ROCK1: variants seen among roughly 807,000 people sequenced by gnomAD.
ROCK1 encodes the protein rho-associated protein kinase 1.
ROCK1 carries 36 observed loss-of-function variants against 196.8 expected under a neutral mutation model. The observed-to-expected ratio is 0.18, with a 90% CI of 0.14 to 0.24. ROCK1 has a LOEUF of 0.24. Ranked by LOEUF, ROCK1 falls within the 10% of genes least tolerant of loss-of-function variation. The pLI, the probability that ROCK1 is intolerant of heterozygous loss-of-function variation, is 1.00. For synonymous variants in ROCK1, 443 were observed against 515.9 expected (o/e 0.86, Z 1.91); for missense variants, 920 against 1,562.0 (o/e 0.59, Z 6.93).
rs1353531393 is a variant in ROCK1, at chr18:20,970,522, AT to A, written c.2655-10del. 4 of 1,580,552 alleles carry A rather than the reference AT, an allele frequency of 2.5e-6. No individual in the cohort carries two copies. The highest frequency in any genetic ancestry group is 1.3e-5 in the African/African-American group (1 of 74,084). ...GAGTAGCAAGAGTTTCTCTGCAACA[AT>A]TTTTTAAGAGAAACTGATGTAAACA... On this transcript the variant is annotated splice_polypyrimidine_tract_variant and intron_variant, in intron 22 of 32. Transcript: ENST00000399799.
intron 27 of ROCK1, among the ~76,000 whole-genome samples, chr18:20,962,487 T>C (rs1015188904): frequency 4.6e-5 from 7 of 152,204 alleles, no homozygotes; most frequent in African/African-American, 1.7e-4. Flanking sequence ...TTTCACATTA[T>C]TTCTTTGTGA....
intron 5 of ROCK1, 137 bp downstream of exon 5, chr18:21,045,155 G>A: frequency 1.4e-6 from 1 of 719,932 alleles, no homozygotes; most frequent in Non-Finnish European, 2.1e-6. Flanking sequence ...GGCAGCGCCT[G>A]GCCAGAGTCT....
chr18:20,955,287 T>A (rs1337257374), intron 29 of ROCK1, 42 bp from the exon 30 acceptor site: 3 of 1,543,522 alleles, frequency 1.9e-6, no homozygotes, highest in Non-Finnish European at 2.6e-6. Context: ...AAAACTCATT[T>A]ATTGTAAAAG....
In ROCK1 at chr18:20,985,150, T is replaced by C. The variant is rs1174026410; in HGVS notation, c.2305-615A>G. On this transcript the variant is annotated intron_variant, in intron 19 of 32. Coordinates refer to ENST00000399799, the MANE Select transcript of ROCK1 (RefSeq NM_005406.3). ...GAACATTTGAATGGAGTACTTAAAT[T>C]TACCTGTCTACGTGCTCTACTCTAC... Among the ~76,000 whole-genome samples the C allele has an allele frequency of 2.6e-5, 4 of 151,934 alleles. No individual in the cohort carries two copies. The South Asian group carries it at 6.2e-4, about 24-fold the overall frequency.
At chr18:20,986,856 C>T in intron 19 of ROCK1, 94 bp downstream of exon 19, 1 of 1,115,132 alleles carries the variant, frequency 9.0e-7, no homozygotes, top group Non-Finnish European at 1.3e-6. Context: ...TTCAAATCTC[C>T]TTCATGGTGT....
chr18:21,045,208 G>A (rs1568393385), intron 5 of ROCK1, 84 bp downstream of exon 5: 2 of 1,229,370 alleles, frequency 1.6e-6, no homozygotes, highest in Non-Finnish European at 2.2e-6. Context: ...AGAAGAATGG[G>A]TGAACTGAGA....
At chr18:20,956,633 T>C (rs558719161) in intron 29 of ROCK1, among the ~76,000 whole-genome samples, 49 of 152,326 alleles carry the variant, frequency 3.2e-4, no homozygotes, top group African/African-American at 1.1e-3. Context: ...AAAGCCAACC[T>C]GACCTAAACA....
In ROCK1 at chr18:21,111,000, G is replaced by A; in HGVS notation, c.-90C>T. The A allele has an allele frequency of 9.1e-7, 1 of 1,093,440 alleles. No individual in the cohort carries two copies. The highest frequency in any genetic ancestry group is 1.3e-5 in the South Asian group (1 of 76,708). The allele number at this position is 1,093,440 out of a possible 1,614,324, so 67.7% of individuals were successfully genotyped here. ...TCCTCCGCGGTGGGTTCGCAGCCGC[G>A]GGGCGGAGGAGCCGGAACCTCAGGG... On this transcript the variant is annotated 5_prime_UTR_variant, in exon 1 of 33. Transcript: ENST00000399799.
In ROCK1 at chr18:20,947,475, T is replaced by C. The variant is rs1253706542; in HGVS notation, c.*3909A>G. Reference sequence around the variant, plus strand: ...CATTGAGCATGGCTTTATATATACATACTATCCAACCAGAAATTGATTTGA... The same window carrying C: ...CATTGAGCATGGCTTTATATATACACACTATCCAACCAGAAATTGATTTGA... On this transcript the variant is annotated 3_prime_UTR_variant, in exon 33 of 33. Transcript: ENST00000399799. 1 of 152,096 alleles carries C rather than the reference T, an allele frequency of 6.6e-6. No individual in the cohort carries two copies. Among genetic ancestry groups the C allele is most frequent in the Non-Finnish European group, 1.5e-5 (1 of 68,036 alleles). 9.4% of individuals were successfully genotyped at this position (152,096 alleles called of 1,614,324 possible).
chr18:20,960,015 A>C lies in ROCK1; in HGVS notation c.3424-87T>G, dbSNP rs556032506. On this transcript the variant is annotated intron_variant, in intron 28 of 32. Transcript: ENST00000399799. ...AGCATAATATTTGCCACTAATATCT[A>C]GATTATACTGTATTAATGTAAAATA... The C allele has an allele frequency of 4.1e-5, 42 of 1,028,662 alleles. 1 individual carries two copies. The highest frequency in any genetic ancestry group is 7.2e-5 in the East Asian group (3 of 41,606). The allele number at this position is 1,028,662 out of a possible 1,614,324, so 63.7% of individuals were successfully genotyped here. A position where few individuals can be genotyped will look rare whatever the true frequency, so the allele number is the denominator to read the frequency against.
Position 20,969,225 on chromosome 18 carries a change from A to G in ROCK1, c.2821-17T>C, listed in dbSNP as rs773355881. The G allele has an allele frequency of 4.6e-6, 7 of 1,514,822 alleles. No homozygotes were observed. Among genetic ancestry groups the G allele is most frequent in the Admixed American group, 1.7e-5 (1 of 59,120 alleles). The allele number at this position is 1,514,822 out of a possible 1,614,324, so 93.8% of individuals were successfully genotyped here. ...TTCTTCAAGCTAAACAAAGCACACA[A>G]AAGTTTAAGCTCCAGCCTCTTTGCT... On this transcript the variant is annotated splice_polypyrimidine_tract_variant and intron_variant, in intron 23 of 32. Transcript: ENST00000399799.
At chr18:20,952,933 T>C (rs2035204509) in intron 32 of ROCK1, among the ~76,000 whole-genome samples, 1 of 151,570 alleles carries the variant, frequency 6.6e-6, no homozygotes, top group African/African-American at 2.4e-5. Flanking sequence ...TGAGAAAACA[T>C]GGACACAGGG....
intron 12 of ROCK1, among the ~76,000 whole-genome samples, chr18:21,019,661 G>T (rs2035895843): frequency 6.6e-6 from 1 of 151,894 alleles, no homozygotes; most frequent in Non-Finnish European, 1.5e-5. Flanking sequence ...AGCCAGGTGT[G>T]GTGGCGGGCG....
chr18:20,978,524 C>T (rs1289619494), intron 22 of ROCK1, among the ~76,000 whole-genome samples: 1 of 152,132 alleles, frequency 6.6e-6, no homozygotes, highest in African/African-American at 2.4e-5. Context: ...ATCTGAGGAA[C>T]TAAGTTTTAA....
In ROCK1 at chr18:20,974,170, G is replaced by A. The variant is rs530125502; in HGVS notation, c.2655-3657C>T. On this transcript the variant is annotated intron_variant, in intron 22 of 32. Coordinates refer to ENST00000399799, the MANE Select transcript of ROCK1 (RefSeq NM_005406.3). Reference sequence around the variant, plus strand: ...TGCAGACAAGTTAGTAGCTATGGTGGTGAAAGAGAATAGATGTTCTCTTCT... The same window carrying A: ...TGCAGACAAGTTAGTAGCTATGGTGATGAAAGAGAATAGATGTTCTCTTCT... Among the ~76,000 whole-genome samples, 15 of 152,308 alleles carry A rather than the reference G, an allele frequency of 9.8e-5. No homozygotes were observed. In the South Asian group the frequency reaches 3.1e-3, roughly 32 times the overall value.
At chr18:20,962,185 A>G (rs1403338964) in intron 27 of ROCK1, among the ~76,000 whole-genome samples, 1 of 152,196 alleles carries the variant, frequency 6.6e-6, no homozygotes, top group Non-Finnish European at 1.5e-5. Context: ...TATACTAAAT[A>G]GCATGCAGAA....
In ROCK1 at chr18:20,986,927, A is replaced by T. The variant is rs761052642; in HGVS notation, c.2304+23T>A. The T allele has an allele frequency of 1.9e-6, 3 of 1,562,982 alleles. No individual in the cohort carries two copies. In the African/African-American group the frequency reaches 4.2e-5, roughly 22 times the overall value. On this transcript the variant is annotated intron_variant, in intron 19 of 32. Transcript: ENST00000399799. ...ACCGTTTCTCTTTTAATAGATGAAC[A>T]AAGTCAGTACTATTTTTCTTACTTC...
chr18:21,044,410 A>T (rs1398871045), intron 5 of ROCK1, among the ~76,000 whole-genome samples: 1 of 152,190 alleles, frequency 6.6e-6, no homozygotes, highest in Non-Finnish European at 1.5e-5. Context: ...TAAAAGTTTC[A>T]TTCTTTCAGA....
chr18:21,039,231 C>A (rs2036084029), intron 9 of ROCK1, among the ~76,000 whole-genome samples: 2 of 152,144 alleles, frequency 1.3e-5, no homozygotes. Flanking sequence ...AAAATTATGA[C>A]TGGTGAGCCT....
Sources: gnomAD v4.1 joint callset for allele counts (sites outside exome capture counted in the v4.1 genomes callset) on GRCh38, gnomAD v4.1.1 for gene constraint, MANE v1.5 for transcripts, NCBI Gene and HGNC (gene_info 2026-07-23, HGNC 2026-07-21) for gene names.